Variants in SGPP1 observed in about 807,000 individuals in gnomAD.
SGPP1 encodes the protein hSPP1.
A neutral mutation model predicts 33.0 loss-of-function variants in SGPP1; 21 were observed. The observed-to-expected ratio is 0.64, with a 90% CI of 0.45 to 0.92. SGPP1 has a LOEUF of 0.92. Ranked by LOEUF, SGPP1 falls within the 40% of genes least tolerant of loss-of-function variation. SGPP1 has a pLI of 0.00. For synonymous variants in SGPP1, 239 were observed against 241.2 expected, an observed-to-expected ratio of 0.99 and a Z score of 0.08; for missense variants, 543 against 589.4, an observed-to-expected ratio of 0.92 and a Z score of 0.81.
chr14:63,700,794 G>C (rs1413233629), intron 1 of SGPP1, among the ~76,000 whole-genome samples: 1 of 152,120 alleles, frequency 6.6e-6, no homozygotes, highest in Non-Finnish European at 1.5e-5. Flanking sequence ...ATTTTGGCCA[G>C]TGAGCTGGGG....
chr14:63,726,688 T>C (rs1253889034), intron 1 of SGPP1, among the ~76,000 whole-genome samples: 4 of 152,316 alleles, frequency 2.6e-5, no homozygotes, highest in South Asian at 4.1e-4. Flanking sequence ...ACCACACCCC[T>C]TAAAAACAGA....
rs750996925 is a variant in SGPP1, at chr14:63,727,864, G to C, written c.81C>G (p.Cys27Trp). 2.0e-6 allele frequency: 3 copies of C among 1,520,498 alleles called. No homozygotes were observed. The highest frequency in any genetic ancestry group is 2.8e-5 in the African/African-American group (2 of 70,418). The allele number at this position is 1,520,498 out of a possible 1,614,324, so 94.2% of individuals were successfully genotyped here. Residue 27 changes from cysteine (C) to tryptophan (W), a missense_variant, in exon 1 of 3, where the codon TGC (cysteine) becomes TGG (tryptophan). Physicochemically the swap from Cys to Trp is radical, Grantham distance 215 (BLOSUM62 -2). Coordinates refer to ENST00000247225, the MANE Select transcript of SGPP1 (RefSeq NM_030791.4). ...AGCGGCGCGGCGGCGCTTCCACCCC[G>C]CACAGCCGCTGGAAACGGGCCACTT... ...PQKVARFQRL[C>W]GVEAPPRRSA... is the part of the protein sequence containing the mutation.
intron 1 of SGPP1, among the ~76,000 whole-genome samples, chr14:63,701,673 G>A (rs1453490682): frequency 1.3e-5 from 2 of 152,086 alleles, no homozygotes; most frequent in African/African-American, 4.8e-5. Context: ...TAGAGCCTGG[G>A]AGGCCACCAT....
chr14:63,697,424 C>A (rs953889462), intron 2 of SGPP1, among the ~76,000 whole-genome samples: 4 of 151,900 alleles, frequency 2.6e-5, no homozygotes, highest in African/African-American at 9.7e-5. Flanking sequence ...CTGACATGAC[C>A]CATTAGAAAC....
chr14:63,720,726 C>T lies in SGPP1; in HGVS notation c.684+6535G>A, dbSNP rs754060720. On this transcript the variant is annotated intron_variant, in intron 1 of 2. Coordinates refer to ENST00000247225, the MANE Select transcript of SGPP1 (RefSeq NM_030791.4). ...GGTGAGCCAAGGTCGCACCATTGCA[C>T]TGCACTCCAGCCTGGGCAACAAGAG... 2.4e-4 allele frequency among the ~76,000 whole-genome samples: 36 copies of T among 152,266 alleles called. No homozygotes were observed. The South Asian group carries it at 2.5e-3, about 11-fold the overall frequency.
Position 63,697,223 on chromosome 14 carries a change from C to T in SGPP1, c.774+1346G>A, listed in dbSNP as rs115772793. On this transcript the variant is annotated intron_variant, in intron 2 of 2. Transcript: ENST00000247225. ...GAAACAATGACCAACCCCAAAATTA[C>T]AGCACACACTGCCTCCCAACAAAAT... Among the ~76,000 whole-genome samples, 673 of 152,236 alleles carry T rather than the reference C, an allele frequency of 4.4e-3. 4 individuals carry two copies. The highest frequency in any genetic ancestry group is 0.015 in the African/African-American group (639 of 41,528).
intron 1 of SGPP1, among the ~76,000 whole-genome samples, chr14:63,710,067 C>G (rs1163350523): frequency 6.6e-6 from 1 of 151,972 alleles, no homozygotes; most frequent in Non-Finnish European, 1.5e-5. Flanking sequence ...AAGGCAGGCA[C>G]AGGAAAGAAT....
At chr14:63,697,029 G>A (rs1268672411) in intron 2 of SGPP1, among the ~76,000 whole-genome samples, 1 of 152,116 alleles carries the variant, frequency 6.6e-6, no homozygotes, top group Non-Finnish European at 1.5e-5. Flanking sequence ...AAAGGAGAGA[G>A]GGAGAGCGGG....
At chr14:63,711,832 C>G (rs558099065) in intron 1 of SGPP1, among the ~76,000 whole-genome samples, 4 of 152,060 alleles carry the variant, frequency 2.6e-5, no homozygotes, top group African/African-American at 9.7e-5. Flanking sequence ...GAGTTCCAGA[C>G]CAGCCTGGCC....
chr14:63,717,483 G>A (rs762079162), intron 1 of SGPP1, among the ~76,000 whole-genome samples: 47 of 151,824 alleles, frequency 3.1e-4, no homozygotes, highest in African/African-American at 6.3e-4. Context: ...CATCATGCCC[G>A]GCTAATTTTT....
At chr14:63,726,661 T>C (rs566874094) in intron 1 of SGPP1, among the ~76,000 whole-genome samples, 1 of 152,296 alleles carries the variant, frequency 6.6e-6, no homozygotes, top group South Asian at 2.1e-4. Flanking sequence ...TAATCAAACT[T>C]TATCAGCAAA....
Position 63,684,878 on chromosome 14 carries a change from A to C in SGPP1, c.*1227T>G, listed in dbSNP as rs1008174115. The stretch of plus-strand genomic sequence containing the variant: ...GATCTAAAATACTGATACTAATTTT[A>C]GGTTTTATAATTTACCTTAAATAGC... On this transcript the variant is annotated 3_prime_UTR_variant, in exon 3 of 3. Coordinates refer to ENST00000247225, the MANE Select transcript of SGPP1 (RefSeq NM_030791.4). The C allele has an allele frequency of 1.3e-5, 2 of 152,500 alleles. No homozygotes were observed. The highest frequency in any genetic ancestry group is 2.4e-5 in the African/African-American group (1 of 41,464). 9.4% of individuals were successfully genotyped at this position (152,500 alleles called of 1,614,324 possible). A position where few individuals can be genotyped will look rare whatever the true frequency, so the allele number is the denominator to read the frequency against.
At position 63,710,706 on chromosome 14, in the gene SGPP1, C is replaced by A. The variant is rs531840693; in HGVS notation, c.685-12048G>T. ...CAGACAAAGGCTTCTGAATTTACTTCCTCATTGAGAAAACCAGCCCAGACT... is the reference window on the plus strand; with the variant it reads ...CAGACAAAGGCTTCTGAATTTACTTACTCATTGAGAAAACCAGCCCAGACT... On this transcript the variant is annotated intron_variant, in intron 1 of 2. Transcript: ENST00000247225. Among the ~76,000 whole-genome samples the A allele has an allele frequency of 2.6e-5, 4 of 152,322 alleles. No homozygotes were observed. In the South Asian group the frequency reaches 8.3e-4, roughly 32 times the overall value.
chr14:63,712,800 C>T (rs1885551499), intron 1 of SGPP1, among the ~76,000 whole-genome samples: 1 of 148,130 alleles, frequency 6.8e-6, no homozygotes, highest in South Asian at 2.2e-4. Flanking sequence ...GACTATAATC[C>T]CAGCTACTTG....
chr14:63,690,171 C>T (rs1055397392), intron 2 of SGPP1, among the ~76,000 whole-genome samples: 3 of 152,188 alleles, frequency 2.0e-5, no homozygotes, highest in African/African-American at 4.8e-5. Flanking sequence ...TCCTGAGTAA[C>T]TGGGACTACA....
chr14:63,715,123 T>G (rs1251952136), intron 1 of SGPP1, among the ~76,000 whole-genome samples: 1 of 151,122 alleles, frequency 6.6e-6, no homozygotes, highest in Non-Finnish European at 1.5e-5. Flanking sequence ...CAAGTGATTC[T>G]CCGCCTCAGC....
At chr14:63,692,514 GTCATAGC>G (rs1168970589) in intron 2 of SGPP1, among the ~76,000 whole-genome samples, 1 of 151,934 alleles carries the variant, frequency 6.6e-6, no homozygotes, top group East Asian at 1.9e-4. Flanking sequence ...TAGTGGCGTG[GTCATAGC>G]TCACTGAAGC....
chr14:63,692,698 C>G (rs1037262044), intron 2 of SGPP1, among the ~76,000 whole-genome samples: 1 of 152,182 alleles, frequency 6.6e-6, no homozygotes, highest in South Asian at 2.1e-4. Flanking sequence ...GTGATTCACC[C>G]ACCTCAGCTT....
In SGPP1 at chr14:63,686,074, C is replaced by T. The variant is rs1566815519; in HGVS notation, c.*31G>A. On this transcript the variant is annotated 3_prime_UTR_variant, in exon 3 of 3. Transcript: ENST00000247225. ...TTTTTGGGTATCAGTAACTGATACC[C>T]TCCTTTCTTATCATAAACAATACTT... 1 of 1,403,940 alleles carries T rather than the reference C, an allele frequency of 7.1e-7. No individual in the cohort carries two copies. The allele number at this position is 1,403,940 out of a possible 1,614,324, so 87.0% of individuals were successfully genotyped here.
Sources: allele counts gnomAD v4.1 joint callset (sites outside exome capture counted in the v4.1 genomes callset), GRCh38; gene constraint gnomAD v4.1.1; transcripts MANE v1.5; gene names NCBI Gene and HGNC (gene_info 2026-07-23, HGNC 2026-07-21).